The following NKAIN3 variants were observed in gnomAD, a reference collection of about 807,000 sequenced individuals.
The protein encoded by NKAIN3 is sodium/potassium transporting ATPase interacting 3.
A neutral mutation model predicts 30.2 loss-of-function variants in NKAIN3; 25 were observed. That is an observed-to-expected ratio of 0.83 (90% CI 0.60 to 1.16). NKAIN3 has a LOEUF of 1.16. Ranked by LOEUF, NKAIN3 falls within the 50% of genes most tolerant of loss-of-function variation. The probability of loss-of-function intolerance (pLI) is 0.00; values close to 1 mark genes in which losing one functional copy is unlikely to be tolerated. For synonymous variants in NKAIN3, 91 were observed against 89.6 expected (o/e 1.02, Z -0.09); for missense variants, 225 against 254.1 (o/e 0.89, Z 0.78).
intron 4 of NKAIN3, among the ~76,000 whole-genome samples, chr8:62,749,542 TA>T (rs938306019): frequency 2.1e-4 from 32 of 152,292 alleles, no homozygotes; most frequent in African/African-American, 7.5e-4. Context: ...TATATTAAAG[TA>T]AAATATATCA....
intron 1 of NKAIN3, among the ~76,000 whole-genome samples, chr8:62,318,040 T>A (rs1312116924): frequency 6.6e-6 from 1 of 152,202 alleles, no homozygotes; most frequent in South Asian, 2.1e-4. Context: ...TTTGAAGCAA[T>A]TGTGAATGGG....
At chr8:62,632,750 C>CG (rs1196742334) in intron 3 of NKAIN3, among the ~76,000 whole-genome samples, 1 of 151,940 alleles carries the variant, frequency 6.6e-6, no homozygotes, top group Non-Finnish European at 1.5e-5. Flanking sequence ...TGATCCACCC[C>CG]CCTCGGCCTC....
intron 3 of NKAIN3, among the ~76,000 whole-genome samples, chr8:62,655,872 T>C (rs751712880): frequency 3.3e-5 from 5 of 152,090 alleles, no homozygotes; most frequent in Non-Finnish European, 7.4e-5. Flanking sequence ...GGGCATAAAA[T>C]TATGGTGGAT....
At chr8:62,623,108 A>G (rs1224886404) in intron 3 of NKAIN3, among the ~76,000 whole-genome samples, 1 of 152,034 alleles carries the variant, frequency 6.6e-6, no homozygotes, top group Non-Finnish European at 1.5e-5. Flanking sequence ...GTGAAAATAA[A>G]CTACAGTCCA....
At chr8:62,565,382 G>A (rs943197406) in intron 1 of NKAIN3, among the ~76,000 whole-genome samples, 9 of 151,964 alleles carry the variant, frequency 5.9e-5, no homozygotes, top group African/African-American at 2.2e-4. Context: ...GTGTGTGTGT[G>A]TGACAGAGAG....
rs1056164100 is a variant in NKAIN3 at position 62,729,165 on chromosome 8, A to T, written c.274-17767A>T. On this transcript the variant is annotated intron_variant, in intron 3 of 6. Coordinates refer to ENST00000623646, the MANE Select transcript of NKAIN3 (RefSeq NM_001304533.3). ...GAGTGTTGTCCAACATACACAATGT[A>T]CTCTGAACAATAAAAAAGAAACGAT... Among the ~76,000 whole-genome samples the T allele has an allele frequency of 4.6e-5, 7 of 152,058 alleles. No homozygotes were observed. The South Asian group carries it at 6.2e-4, about 14-fold the overall frequency.
At chr8:62,916,133 A>T (rs752020032) in intron 4 of NKAIN3, among the ~76,000 whole-genome samples, 1 of 152,212 alleles carries the variant, frequency 6.6e-6, no homozygotes, top group African/African-American at 2.4e-5. Flanking sequence ...TGTAAAAAAT[A>T]GTCATAAAAA....
At chr8:62,803,929 G>A (rs1326789597) in intron 4 of NKAIN3, among the ~76,000 whole-genome samples, 1 of 152,194 alleles carries the variant, frequency 6.6e-6, no homozygotes, top group East Asian at 1.9e-4. Context: ...TGATAAAGGG[G>A]ATATCACCAC....
chr8:62,656,850 G>A (rs567295188), intron 3 of NKAIN3, among the ~76,000 whole-genome samples: 2 of 152,160 alleles, frequency 1.3e-5, no homozygotes, highest in South Asian at 4.2e-4. Context: ...AGCTGTTCAG[G>A]ACTGATACAC....
chr8:62,352,165 GA>G (rs1816200756), intron 1 of NKAIN3, among the ~76,000 whole-genome samples: 1 of 152,178 alleles, frequency 6.6e-6, no homozygotes, highest in African/African-American at 2.4e-5. Flanking sequence ...AGCAGGAAGG[GA>G]TGTTTAGGGA....
chr8:62,318,848 A>G (rs1585673400), intron 1 of NKAIN3, among the ~76,000 whole-genome samples: 1 of 152,166 alleles, frequency 6.6e-6, no homozygotes, highest in Non-Finnish European at 1.5e-5. Flanking sequence ...CTGGCCTCAT[A>G]AAATGAGTTA....
rs375017376 is a variant in NKAIN3 at position 62,628,148 on chromosome 8, T to A, written c.273+38354T>A. 2.8e-3 allele frequency among the ~76,000 whole-genome samples: 429 copies of A among 152,134 alleles called. 2 individuals carry two copies. The highest frequency in any genetic ancestry group is 9.8e-3 in the African/African-American group (409 of 41,528). Reference sequence around the variant, plus strand: ...AGTGGGAAGCTGAAGCCCACAAAGATCAAAGGGCTTGATGAAGCCTATAAA... The same window carrying A: ...AGTGGGAAGCTGAAGCCCACAAAGAACAAAGGGCTTGATGAAGCCTATAAA... On this transcript the variant is annotated intron_variant, in intron 3 of 6. Coordinates refer to ENST00000623646, the MANE Select transcript of NKAIN3 (RefSeq NM_001304533.3).
chr8:62,871,246 T>TA (rs963759253), intron 4 of NKAIN3, among the ~76,000 whole-genome samples: 71 of 151,126 alleles, frequency 4.7e-4, no homozygotes, highest in African/African-American at 1.5e-3. Flanking sequence ...ACTAAAAATA[T>TA]AAAAAAATTA....
intron 3 of NKAIN3, among the ~76,000 whole-genome samples, chr8:62,682,118 A>G (rs192527061): frequency 6.6e-6 from 1 of 152,208 alleles, no homozygotes; most frequent in African/African-American, 2.4e-5. Flanking sequence ...AAGGAAGCAG[A>G]TTGCTCCTGG....
At chr8:62,815,325 A>C (rs1385923368) in intron 4 of NKAIN3, among the ~76,000 whole-genome samples, 1 of 152,154 alleles carries the variant, frequency 6.6e-6, no homozygotes, top group Non-Finnish European at 1.5e-5. Context: ...TTCTGAAACT[A>C]TTCCAATCAA....
intron 1 of NKAIN3, among the ~76,000 whole-genome samples, chr8:62,507,343 T>C (rs1807674508): frequency 6.6e-6 from 1 of 152,190 alleles, no homozygotes; most frequent in South Asian, 2.1e-4. Flanking sequence ...CCTCAGCAAC[T>C]ATCTAGTTCT....
At chr8:62,766,226 T>C (rs1252151336) in intron 4 of NKAIN3, among the ~76,000 whole-genome samples, 1 of 152,234 alleles carries the variant, frequency 6.6e-6, no homozygotes, top group Non-Finnish European at 1.5e-5. Flanking sequence ...ATAGATTTTA[T>C]GATTAATCAA....
At chr8:62,784,101 C>T (rs909561020) in intron 4 of NKAIN3, among the ~76,000 whole-genome samples, 3 of 151,818 alleles carry the variant, frequency 2.0e-5, no homozygotes, top group Non-Finnish European at 2.9e-5. Context: ...TAAAACATAA[C>T]GTATCAAAAT....
At position 62,965,629 on chromosome 8, in the gene NKAIN3, A is replaced by AG. The variant is rs1182640814; in HGVS notation, c.*222_*223insG. 3.0e-5 allele frequency: 29 copies of AG among 977,242 alleles called. No homozygotes were observed. The highest frequency in any genetic ancestry group is 1.9e-4 in the South Asian group (4 of 21,128). The allele number at this position is 977,242 out of a possible 1,614,324, so 60.5% of individuals were successfully genotyped here. On this transcript the variant is annotated 3_prime_UTR_variant, in exon 7 of 7. Coordinates refer to ENST00000623646, the MANE Select transcript of NKAIN3 (RefSeq NM_001304533.3). ...GAACACTTGTAAGTTGTAAAAAAAA[A>AG]AAAAAAAGAAAAAACAGAATTTGGT...
Sources: gnomAD v4.1 joint callset for allele counts (sites outside exome capture counted in the v4.1 genomes callset) on GRCh38, gnomAD v4.1.1 for gene constraint, MANE v1.5 for transcripts, NCBI Gene and HGNC (gene_info 2026-07-23, HGNC 2026-07-21) for gene names.